The following EIF3F variants were observed in gnomAD, a reference collection of about 807,000 sequenced individuals.
The protein encoded by EIF3F is eukaryotic translation initiation factor 3 subunit F.
Under a neutral mutation model 36.0 loss-of-function variants are expected in EIF3F, and 8 were observed. The ratio of observed to expected loss-of-function variants is 0.22; its 90% CI spans 0.13 to 0.40. The LOEUF is 0.40. Ranked by LOEUF, EIF3F falls within the 10% of genes least tolerant of loss-of-function variation. The pLI is 1.00. For missense variants in EIF3F, 430 were observed against 467.6 expected (o/e 0.92, Z 0.74); for synonymous variants, 184 against 188.5 (o/e 0.98, Z 0.19).
chr11:7,997,193 A>G lies in EIF3F; in HGVS notation c.*1171A>G, dbSNP rs1564888088. ...TAATTTCTTACAGGTAGGGAAATGT[A>G]AACAGATCTTATCGGCAAAATGATA... On this transcript the variant is annotated 3_prime_UTR_variant, in exon 8 of 8. Coordinates refer to ENST00000651655, the MANE Select transcript of EIF3F (RefSeq NM_003754.3). 6.6e-6 allele frequency: 1 copy of G among 152,360 alleles called. No homozygotes were observed. The allele number at this position is 152,360 out of a possible 1,614,324, so 9.4% of individuals were successfully genotyped here.
In EIF3F at chr11:7,997,340, C is replaced by G. The variant is rs1942172066; in HGVS notation, c.*1318C>G. ...AGTAGCCAGTTAATATCAACTTAGTCTTTTTAAGTATGCATGATAAAATTC... is the reference window on the plus strand; with the variant it reads ...AGTAGCCAGTTAATATCAACTTAGTGTTTTTAAGTATGCATGATAAAATTC... On this transcript the variant is annotated 3_prime_UTR_variant, in exon 8 of 8. Coordinates refer to ENST00000651655, the MANE Select transcript of EIF3F (RefSeq NM_003754.3). 6.6e-6 allele frequency: 1 copy of G among 152,044 alleles called. No individual in the cohort carries two copies. The highest frequency in any genetic ancestry group is 1.5e-5 in the Non-Finnish European group (1 of 68,016). 9.4% of individuals were successfully genotyped at this position (152,044 alleles called of 1,614,324 possible).
In EIF3F at chr11:8,000,783, T is replaced by G. The variant is rs770780263; in HGVS notation, c.*4761T>G. 8 of 151,900 alleles carry G rather than the reference T, an allele frequency of 5.3e-5. No homozygotes were observed. Among genetic ancestry groups the G allele is most frequent in the Non-Finnish European group, 1.0e-4 (7 of 67,972 alleles). 9.4% of individuals were successfully genotyped at this position (151,900 alleles called of 1,614,324 possible). ...TCCTACTTCGTTACCTGCACCAAAA[T>G]AAGTTGCTCATGGAATAAAAACTTG... is the stretch of plus-strand genomic sequence containing the variant. On this transcript the variant is annotated 3_prime_UTR_variant, in exon 8 of 8. Transcript: ENST00000651655.
intron 1 of EIF3F, among the ~76,000 whole-genome samples, chr11:7,991,274 C>G (rs1438316157): frequency 6.6e-6 from 1 of 151,938 alleles, no homozygotes; most frequent in Non-Finnish European, 1.5e-5. Flanking sequence ...AGACTGACTT[C>G]TAAGGTTCGC....
At chr11:7,989,252 C>G (rs909168362) in intron 1 of EIF3F, among the ~76,000 whole-genome samples, 5 of 152,182 alleles carry the variant, frequency 3.3e-5, no homozygotes, top group South Asian at 2.1e-4. Context: ...AATACTTACT[C>G]TTTTGGCTGC....
At chr11:7,995,879 C>T in intron 7 of EIF3F, 66 bp from the exon 8 acceptor site, 1 of 1,419,218 alleles carries the variant, frequency 7.0e-7, no homozygotes, top group Non-Finnish European at 1.0e-6. Context: ...TAGAGCTGGC[C>T]AAAGCCAGCC....
chr11:7,995,396 C>T (rs770371104), intron 7 of EIF3F, 29 bp downstream of exon 7: 1 of 1,563,558 alleles, frequency 6.4e-7, no homozygotes, highest in Non-Finnish European at 8.8e-7. Flanking sequence ...CCCCTTCTTG[C>T]CTGGTTTCTT....
chr11:7,993,455 GAACACATTTATT>G (rs1186086371), intron 4 of EIF3F, among the ~76,000 whole-genome samples: 7 of 152,058 alleles, frequency 4.6e-5, no homozygotes, highest in Non-Finnish European at 8.8e-5. Flanking sequence ...TCCTTATTTT[GAACACATTTATT>G]AACCCAGGAT....
At position 7,992,074 on chromosome 11, in the gene EIF3F, T is replaced by TC. The variant is rs758061652; in HGVS notation, c.436-7dup. 2.7e-5 allele frequency: 44 copies of TC among 1,612,794 alleles called. No individual in the cohort carries two copies. The African/African-American group carries it at 5.1e-4, about 19-fold the overall frequency. On this transcript the variant is annotated splice_polypyrimidine_tract_variant and intron_variant, in intron 2 of 7. Coordinates refer to ENST00000651655, the MANE Select transcript of EIF3F (RefSeq NM_003754.3). ...GGCTTCTTAGCTTGCTTTCCTGCCTTCCCTCTTAGGTGGCTGTTGACATGG... is the reference window on the plus strand; with the variant it reads ...GGCTTCTTAGCTTGCTTTCCTGCCTTCCCCTCTTAGGTGGCTGTTGACATGG...
intron 3 of EIF3F, 71 bp from the exon 4 acceptor site, chr11:7,992,816 C>T: frequency 1.2e-6 from 2 of 1,604,874 alleles, no homozygotes; most frequent in South Asian, 1.1e-5. Context: ...CTGAAGACAC[C>T]CATGCCACTG....
chr11:7,994,953 G>A (rs1182570865), intron 5 of EIF3F, 29 bp from the exon 6 acceptor site: 18 of 1,609,044 alleles, frequency 1.1e-5, no homozygotes, highest in Admixed American at 5.0e-5. Flanking sequence ...CACCACTGCC[G>A]CTGCCACCCT....
chr11:7,996,444 A>G lies in EIF3F; in HGVS notation c.*422A>G, dbSNP rs2133675710. The G allele has an allele frequency of 5.9e-6, 1 of 169,124 alleles. No homozygotes were observed. The highest frequency in any genetic ancestry group is 1.6e-4 in the East Asian group (1 of 6,206). 10.5% of individuals were successfully genotyped at this position (169,124 alleles called of 1,614,324 possible). On this transcript the variant is annotated 3_prime_UTR_variant, in exon 8 of 8. Transcript: ENST00000651655. ...AAATTGGATGCTTAATCTGAACTAA[A>G]AGAGTAGAGTGTGTAGTCACTATCT... is the stretch of plus-strand genomic sequence containing the variant.
intron 6 of EIF3F, 25 bp downstream of exon 6, chr11:7,995,143 G>A (rs377658079): frequency 1.0e-4 from 167 of 1,612,186 alleles, no homozygotes; most frequent in Non-Finnish European, 1.4e-4. Flanking sequence ...AAAAAACAAA[G>A]GGGGAGGACA....
In EIF3F at chr11:7,999,287, G is replaced by A. The variant is rs1262386550; in HGVS notation, c.*3265G>A. ...TCTCAAGAAAAAAAGTGAAAAGGAG[G>A]AGGGTTTTTAAAAAATTAGTACTAC... On this transcript the variant is annotated 3_prime_UTR_variant, in exon 8 of 8. Transcript: ENST00000651655. 6.6e-6 allele frequency: 1 copy of A among 152,082 alleles called. No individual in the cohort carries two copies. The highest frequency in any genetic ancestry group is 1.5e-5 in the Non-Finnish European group (1 of 68,010). The allele number at this position is 152,082 out of a possible 1,614,324, so 9.4% of individuals were successfully genotyped here. A position where few individuals can be genotyped will look rare whatever the true frequency, so the allele number is the denominator to read the frequency against.
At chr11:7,992,250 C>G in intron 3 of EIF3F, 87 bp downstream of exon 3, 1 of 1,183,850 alleles carries the variant, frequency 8.4e-7, no homozygotes, top group Non-Finnish European at 1.2e-6. Context: ...ATCTTATACT[C>G]TTCCTTTTGG....
At chr11:7,995,206 C>T (rs1942146715) in intron 6 of EIF3F, 48 bp from the exon 7 acceptor site, 1 of 1,605,598 alleles carries the variant, frequency 6.2e-7, no homozygotes, top group African/African-American at 1.3e-5. Context: ...TGGTAGGGCT[C>T]AGTGGTTATA....
chr11:7,988,390 A>G (rs916739071), intron 1 of EIF3F, among the ~76,000 whole-genome samples: 1 of 152,206 alleles, frequency 6.6e-6, no homozygotes, highest in African/African-American at 2.4e-5. Context: ...TTTGGACGCA[A>G]ACAGTTGTAT....
intron 1 of EIF3F, among the ~76,000 whole-genome samples, chr11:7,989,114 T>C (rs550339174): frequency 4.1e-4 from 63 of 152,330 alleles, no homozygotes; most frequent in African/African-American, 1.4e-3. Context: ...TAAGTGCCGG[T>C]CCTCCATCCC....
rs781131467 is a variant in EIF3F, at chr11:7,993,004, G to A, written c.633G>A (p.Met211Ile). The change falls in exon 4 of 8, where the codon ATG becomes ATA. Residue 211 changes from methionine to isoleucine, a missense_variant. Around this residue, in one of 2 missense-constraint regions of EIF3F, gnomAD observed 262 missense variants for 347.4 expected, o/e 0.75. Transcript: ENST00000651655. ...TVDTSLQNGR[M>I]SIKAYVSTLM... ...ACACAAGTCTCCAGAACGGCCGCAT[G>A]AGCATCAAAGCCTACGTCAGGTGAC... 1 of 1,604,650 alleles carries A rather than the reference G, an allele frequency of 6.2e-7. No homozygotes were observed. Among genetic ancestry groups the A allele is most frequent in the Non-Finnish European group, 8.5e-7 (1 of 1,175,140 alleles).
chr11:7,990,115 G>A (rs538431924), intron 1 of EIF3F, among the ~76,000 whole-genome samples: 1 of 152,318 alleles, frequency 6.6e-6, no homozygotes, highest in African/African-American at 2.4e-5. Context: ...AGAAGTGAGG[G>A]ATTAGAAGAA....
Sources: gnomAD v4.1 joint callset for allele counts (sites outside exome capture counted in the v4.1 genomes callset) on GRCh38, gnomAD v4.1.1 for gene constraint, gnomAD v4.1.1 regional missense constraint, MANE v1.5 for transcripts, NCBI Gene and HGNC (gene_info 2026-07-23, HGNC 2026-07-21) for gene names.